PACRG: variants seen among roughly 807,000 people sequenced by gnomAD.
PACRG encodes parkin coregulated.
Under a neutral mutation model 29.7 loss-of-function variants are expected in PACRG, and 29 were observed. That is an observed-to-expected ratio of 0.98 (90% CI 0.73 to 1.33). The LOEUF is 1.33. Ranked by LOEUF, PACRG falls within the 40% of genes most tolerant of loss-of-function variation. The pLI, the probability that PACRG is intolerant of heterozygous loss-of-function variation, is 0.00. For missense variants in PACRG, 279 were observed against 316.2 expected, an observed-to-expected ratio of 0.88 and a Z score of 0.89; for synonymous variants, 116 against 118.7, an observed-to-expected ratio of 0.98 and a Z score of 0.15.
intron 2 of PACRG, among the ~76,000 whole-genome samples, chr6:162,868,102 G>GGGTT: frequency 6.6e-6 from 1 of 152,304 alleles, no homozygotes; most frequent in South Asian, 2.1e-4. Context: ...AATAAGGAGA[G>GGGTT]GGTTGCTTCA....
intron 2 of PACRG, among the ~76,000 whole-genome samples, chr6:163,001,311 C>T (rs1804568884): frequency 6.6e-6 from 1 of 152,202 alleles, no homozygotes; most frequent in Non-Finnish European, 1.5e-5. Context: ...TGCTACTGGC[C>T]ACGGGGAGAT....
At chr6:163,116,364 T>G (rs954365408) in intron 4 of PACRG, among the ~76,000 whole-genome samples, 1 of 152,090 alleles carries the variant, frequency 6.6e-6, no homozygotes, top group Non-Finnish European at 1.5e-5. Context: ...GCAGCCATGA[T>G]CCAATCACCT....
intron 2 of PACRG, among the ~76,000 whole-genome samples, chr6:162,932,958 T>G (rs1797961032): frequency 2.0e-5 from 3 of 152,038 alleles, no homozygotes; most frequent in Non-Finnish European, 4.4e-5. Context: ...ATCATTAGGT[T>G]GTTTATTTGA....
At chr6:162,732,311 A>G (rs575508844) in intron 1 of PACRG, among the ~76,000 whole-genome samples, 119 of 152,280 alleles carry the variant, frequency 7.8e-4, no homozygotes, top group African/African-American at 2.7e-3. Context: ...GTATGGAGCA[A>G]TCTGCAAGAA....
chr6:162,870,425 T>A (rs1054319834), intron 2 of PACRG, among the ~76,000 whole-genome samples: 6 of 152,240 alleles, frequency 3.9e-5, no homozygotes, highest in African/African-American at 1.4e-4. Context: ...TCTTCTTTTT[T>A]AAAATTCTTA....
At chr6:162,926,827 C>A (rs929157663) in intron 2 of PACRG, among the ~76,000 whole-genome samples, 1 of 152,068 alleles carries the variant, frequency 6.6e-6, no homozygotes, top group African/African-American at 2.4e-5. Flanking sequence ...AACTAAAGAG[C>A]TTCTGCACAG....
intron 1 of PACRG, among the ~76,000 whole-genome samples, chr6:162,737,491 A>G (rs1780254598): frequency 6.6e-6 from 1 of 152,166 alleles, no homozygotes. Context: ...ATTATGTAAT[A>G]TTTTATTCCC....
At chr6:163,030,190 A>G (rs1055801854) in intron 2 of PACRG, among the ~76,000 whole-genome samples, 1 of 147,440 alleles carries the variant, frequency 6.8e-6, no homozygotes, top group Non-Finnish European at 1.5e-5. Context: ...CATCACTGGC[A>G]TATGAAACTA....
chr6:163,028,623 A>C (rs564115009), intron 2 of PACRG, among the ~76,000 whole-genome samples: 7 of 152,360 alleles, frequency 4.6e-5, no homozygotes, highest in African/African-American at 1.7e-4. Flanking sequence ...CAAATATTTA[A>C]ATATTCGTTT....
intron 4 of PACRG, among the ~76,000 whole-genome samples, chr6:163,246,048 C>A (rs1379280737): frequency 1.3e-5 from 2 of 152,196 alleles, no homozygotes; most frequent in Admixed American, 1.3e-4. Context: ...CCCTCTGCTT[C>A]CGGGACAGCC....
chr6:163,035,743 G>A (rs1407392086), intron 2 of PACRG, among the ~76,000 whole-genome samples: 2 of 150,916 alleles, frequency 1.3e-5, no homozygotes, highest in Non-Finnish European at 3.0e-5. Flanking sequence ...ACTTGAACTC[G>A]GGAGGTGGAG....
intron 1 of PACRG, among the ~76,000 whole-genome samples, chr6:162,768,971 C>A (rs1783005326): frequency 6.6e-6 from 1 of 152,072 alleles, no homozygotes; most frequent in Non-Finnish European, 1.5e-5. Flanking sequence ...TGTGCTTAAC[C>A]CTGTTGATTA....
In PACRG at chr6:162,728,197, T is replaced by C. The variant is rs1042370332; in HGVS notation, c.-39T>C. ...CATCCGTAAAGCCCACTGATTCTTT[T>C]ACTACACTTTTTATGAGAACAAGAC... On this transcript the variant is annotated 5_prime_UTR_variant, in exon 1 of 5. Coordinates refer to ENST00000366888, the MANE Select transcript of PACRG (RefSeq NM_001080379.2). The C allele has an allele frequency of 1.9e-6, 3 of 1,601,738 alleles. No individual in the cohort carries two copies. Among genetic ancestry groups the C allele is most frequent in the Non-Finnish European group, 2.6e-6 (3 of 1,173,476 alleles).
chr6:162,788,221 G>A (rs1292957655), intron 1 of PACRG, among the ~76,000 whole-genome samples: 1 of 152,084 alleles, frequency 6.6e-6, no homozygotes, highest in East Asian at 1.9e-4. Context: ...TGTATCCATA[G>A]TTTTTTCTTT....
chr6:163,010,682 G>A (rs553061729), intron 2 of PACRG, among the ~76,000 whole-genome samples: 2 of 152,124 alleles, frequency 1.3e-5, no homozygotes, highest in East Asian at 3.9e-4. Flanking sequence ...TTCATAAATA[G>A]CATCCACCAG....
chr6:162,836,047 C>A (rs1470385919), intron 2 of PACRG, among the ~76,000 whole-genome samples: 1 of 152,128 alleles, frequency 6.6e-6, no homozygotes, highest in East Asian at 1.9e-4. Context: ...CTTTCCTGTC[C>A]TAAATCTTGA....
At chr6:163,126,273 G>A (rs528376994) in intron 4 of PACRG, among the ~76,000 whole-genome samples, 11 of 152,148 alleles carry the variant, frequency 7.2e-5, no homozygotes, top group Non-Finnish European at 1.6e-4. Flanking sequence ...GCAAAGAATT[G>A]TCTCATTAAC....
intron 2 of PACRG, among the ~76,000 whole-genome samples, chr6:162,889,154 T>C (rs1216033942): frequency 6.6e-6 from 1 of 152,214 alleles, no homozygotes; most frequent in Non-Finnish European, 1.5e-5. Context: ...AGGCTTTTGA[T>C]GCATATTTTG....
intron 3 of PACRG, among the ~76,000 whole-genome samples, chr6:163,078,154 A>C (rs1228095481): frequency 6.6e-6 from 1 of 152,186 alleles, no homozygotes; most frequent in African/African-American, 2.4e-5. Context: ...CTACCGCATA[A>C]CTGCTATCGT....
Sources: gnomAD v4.1 joint callset for allele counts (sites outside exome capture counted in the v4.1 genomes callset) on GRCh38, gnomAD v4.1.1 for gene constraint, MANE v1.5 for transcripts, NCBI Gene and HGNC (gene_info 2026-07-23, HGNC 2026-07-21) for gene names.